Variants in RCAN2 observed in about 807,000 individuals in gnomAD.
RCAN2 encodes calcipressin-2.
A neutral mutation model predicts 23.6 loss-of-function variants in RCAN2; 9 were observed. That is an observed-to-expected ratio of 0.38 (90% CI 0.23 to 0.67). RCAN2 has a LOEUF of 0.67. RCAN2 is among the 30% of genes least tolerant of loss of function. The pLI is 0.51. For synonymous variants in RCAN2, 109 were observed against 115.7 expected (o/e 0.94, Z 0.37); for missense variants, 273 against 302.3 (o/e 0.90, Z 0.72).
At chr6:46,441,825 A>G (rs754494943) in intron 2 of RCAN2, among the ~76,000 whole-genome samples, 3 of 152,222 alleles carry the variant, frequency 2.0e-5, no homozygotes, top group Non-Finnish European at 2.9e-5. Flanking sequence ...ATATGGTTGA[A>G]CACCATAAGC....
intron 2 of RCAN2, among the ~76,000 whole-genome samples, chr6:46,337,699 G>A (rs1190602389): frequency 6.6e-6 from 1 of 152,148 alleles, no homozygotes; most frequent in African/African-American, 2.4e-5. Flanking sequence ...TTGGTTCAGG[G>A]CTGGTTAAGC....
chr6:46,363,802 C>G (rs1765088063), intron 2 of RCAN2, among the ~76,000 whole-genome samples: 1 of 3,664 alleles, frequency 2.7e-4, no homozygotes, highest in East Asian at 8.6e-3. Flanking sequence ...GATTCTCATG[C>G]AAATAAAAAA....
At position 46,221,921 on chromosome 6, in the gene RCAN2, T is replaced by C; in HGVS notation, c.*1220A>G. The C allele has an allele frequency of 2.5e-6, 1 of 398,552 alleles. No individual in the cohort carries two copies. Among genetic ancestry groups the C allele is most frequent in the Non-Finnish European group, 4.4e-6 (1 of 226,012 alleles). 24.7% of individuals were successfully genotyped at this position (398,552 alleles called of 1,614,324 possible). ...TCACACGTAACAAAAACAAATAACT[T>C]TTTTGAGCACACGGGTGTCGCGTGA... On this transcript the variant is annotated 3_prime_UTR_variant, in exon 5 of 5. Transcript: ENST00000371374.
chr6:46,462,873 A>C (rs1370419493), intron 1 of RCAN2, among the ~76,000 whole-genome samples: 3 of 152,320 alleles, frequency 2.0e-5, no homozygotes, highest in East Asian at 3.9e-4. Flanking sequence ...TTTTCTAGGA[A>C]TTGGGTATAA....
chr6:46,387,618 G>T (rs1765795931), intron 2 of RCAN2, among the ~76,000 whole-genome samples: 1 of 152,194 alleles, frequency 6.6e-6, no homozygotes, highest in Admixed American at 6.5e-5. Flanking sequence ...TGCTGGAGAG[G>T]ATGTGGAGAA....
rs1166873309 is a variant in RCAN2, at chr6:46,263,521, ATG to A, written c.226-14627_226-14626del. 1.3e-4 allele frequency among the ~76,000 whole-genome samples: 14 copies of A among 105,024 alleles called. No homozygotes were observed. In the East Asian group the frequency reaches 1.7e-3, roughly 13 times the overall value. The allele number at this position is 105,024 out of a possible 152,430, so 68.9% of individuals were successfully genotyped here. On this transcript the variant is annotated intron_variant, in intron 2 of 4. Transcript: ENST00000371374. The stretch of plus-strand genomic sequence containing the variant: ...TGTGTGTATGTGTGTGTATGTGTGT[ATG>A]TGTGTGTGTGTGTGTATGTGTGTGT...
At chr6:46,278,429 A>G (rs1234862826) in intron 2 of RCAN2, among the ~76,000 whole-genome samples, 1 of 152,052 alleles carries the variant, frequency 6.6e-6, no homozygotes, top group Admixed American at 6.6e-5. Flanking sequence ...TTATTCCTGA[A>G]TCATTTGAGA....
intron 2 of RCAN2, among the ~76,000 whole-genome samples, chr6:46,307,332 G>T (rs1372089081): frequency 6.6e-6 from 1 of 152,074 alleles, no homozygotes; most frequent in Non-Finnish European, 1.5e-5. Context: ...CACAGATGAG[G>T]GGTGTATGTG....
chr6:46,237,133 T>C (rs12528557), intron 4 of RCAN2, among the ~76,000 whole-genome samples: 60,353 of 152,104 alleles, frequency 0.4, 14,374 homozygotes, highest in Non-Finnish European at 0.53. Flanking sequence ...GGAGCCTAGT[T>C]TTGTCTTTCA....
intron 2 of RCAN2, among the ~76,000 whole-genome samples, chr6:46,390,084 G>A (rs1679554056): frequency 6.6e-6 from 1 of 151,628 alleles, no homozygotes; most frequent in Non-Finnish European, 1.5e-5. Context: ...AATTATCGTG[G>A]TTAGATATTT....
intron 2 of RCAN2, among the ~76,000 whole-genome samples, chr6:46,349,847 G>A (rs1269042217): frequency 6.6e-6 from 1 of 152,136 alleles, no homozygotes; most frequent in Non-Finnish European, 1.5e-5. Flanking sequence ...CCACACAGAA[G>A]CCAGGATGAT....
In RCAN2 at chr6:46,406,370, T is replaced by C. The variant is rs573157476; in HGVS notation, c.225+50382A>G. 6.0e-4 allele frequency among the ~76,000 whole-genome samples: 91 copies of C among 152,350 alleles called. 1 individual carries two copies. Among genetic ancestry groups the C allele is most frequent in the African/African-American group, 2.2e-3 (90 of 41,594 alleles). ...ATACTCAAATTTTAAAATGTATATA[T>C]ATGACCTAATTTTCCCAAATAAAGT... On this transcript the variant is annotated intron_variant, in intron 2 of 4. Transcript: ENST00000371374.
chr6:46,324,631 T>C (rs1763730534), intron 2 of RCAN2, among the ~76,000 whole-genome samples: 1 of 152,154 alleles, frequency 6.6e-6, no homozygotes, highest in South Asian at 2.1e-4. Flanking sequence ...ACATTTCCAT[T>C]TTGCAAGCCT....
chr6:46,344,105 G>T (rs1170795628), intron 2 of RCAN2, among the ~76,000 whole-genome samples: 6 of 152,160 alleles, frequency 3.9e-5, no homozygotes, highest in Admixed American at 2.6e-4. Context: ...CTGGAAGATA[G>T]AACTATTCTA....
At chr6:46,260,680 C>G in intron 2 of RCAN2, among the ~76,000 whole-genome samples, 1 of 152,146 alleles carries the variant, frequency 6.6e-6, no homozygotes, top group Non-Finnish European at 1.5e-5. Context: ...GGGGCACTCA[C>G]CAGAGGCTAT....
intron 2 of RCAN2, among the ~76,000 whole-genome samples, chr6:46,406,747 A>G (rs1354431739): frequency 6.6e-6 from 1 of 152,246 alleles, no homozygotes; most frequent in Non-Finnish European, 1.5e-5. Flanking sequence ...ACTTCCTTGA[A>G]TGGCTTGGCT....
At chr6:46,474,487 T>C (rs1768656260) in intron 1 of RCAN2, among the ~76,000 whole-genome samples, 2 of 152,256 alleles carry the variant, frequency 1.3e-5, no homozygotes, top group Non-Finnish European at 1.5e-5. Flanking sequence ...CAAAATTCTC[T>C]AGCAGCTCAG....
At chr6:46,323,034 C>A (rs1051392090) in intron 2 of RCAN2, among the ~76,000 whole-genome samples, 1 of 152,002 alleles carries the variant, frequency 6.6e-6, no homozygotes, top group Non-Finnish European at 1.5e-5. Flanking sequence ...GATTAAATAT[C>A]AAAAATGGAA....
chr6:46,358,744 CTTGA>C (rs1764913357), intron 2 of RCAN2, among the ~76,000 whole-genome samples: 1 of 152,122 alleles, frequency 6.6e-6, no homozygotes, highest in Admixed American at 6.5e-5. Flanking sequence ...TAGGGCTGGT[CTTGA>C]TCAGTGGTCC....
Sources: gnomAD v4.1 joint callset for allele counts (sites outside exome capture counted in the v4.1 genomes callset) on GRCh38, gnomAD v4.1.1 for gene constraint, MANE v1.5 for transcripts, NCBI Gene and HGNC (gene_info 2026-07-23, HGNC 2026-07-21) for gene names.